Variants in NEK7 observed in about 807,000 individuals in gnomAD.
NEK7 encodes the protein NIMA related kinase 7, also known as serine/threonine-protein kinase Nek7.
NEK7 carries 18 observed loss-of-function variants against 44.6 expected under a neutral mutation model. The observed-to-expected ratio is 0.40, with a 90% CI of 0.28 to 0.60. NEK7 has a LOEUF of 0.60. Among genes scored for constraint, NEK7 ranks in the 20% least tolerant of loss-of-function variants. NEK7 has a pLI of 0.38. For synonymous variants in NEK7, 130 were observed against 121.1 expected, an observed-to-expected ratio of 1.07 and a Z score of -0.48; for missense variants, 256 against 366.5, an observed-to-expected ratio of 0.70 and a Z score of 2.46.
intron 1 of NEK7, among the ~76,000 whole-genome samples, chr1:198,222,426 A>G (rs1390089803): frequency 6.6e-6 from 1 of 152,208 alleles, no homozygotes; most frequent in Admixed American, 6.5e-5. Flanking sequence ...CTAATAATTT[A>G]CAGTTAGGTT....
chr1:198,251,054 C>T (rs1012888895), intron 2 of NEK7, among the ~76,000 whole-genome samples: 3 of 151,966 alleles, frequency 2.0e-5, no homozygotes, highest in Admixed American at 6.5e-5. Context: ...AGATATGTCC[C>T]ATCAATACCA....
chr1:198,320,685 G>A lies in NEK7; in HGVS notation c.*1163G>A, dbSNP rs1228152825. ...GTCTTGTTAAAGAGGAAGAAAGGAT[G>A]TGTGTTATACTGTACCTGTGAATGT... is the stretch of plus-strand genomic sequence containing the variant. On this transcript the variant is annotated 3_prime_UTR_variant, in exon 10 of 10. Coordinates refer to ENST00000367385, the MANE Select transcript of NEK7 (RefSeq NM_133494.3). The A allele has an allele frequency of 6.6e-6, 1 of 151,932 alleles. No homozygotes were observed. Among genetic ancestry groups the A allele is most frequent in the African/African-American group, 2.4e-5 (1 of 41,416 alleles). The allele number at this position is 151,932 out of a possible 1,614,324, so 9.4% of individuals were successfully genotyped here.
At chr1:198,196,849 A>G (rs1389869564) in intron 1 of NEK7, among the ~76,000 whole-genome samples, 1 of 152,166 alleles carries the variant, frequency 6.6e-6, no homozygotes, top group Non-Finnish European at 1.5e-5. Context: ...GCATGCAAGG[A>G]AGAGTTTGGG....
chr1:198,180,539 G>A (rs527771378), intron 1 of NEK7, among the ~76,000 whole-genome samples: 35 of 152,078 alleles, frequency 2.3e-4, no homozygotes, highest in African/African-American at 7.2e-4. Context: ...TAGAGACAGG[G>A]CTAGAATTCA....
intron 1 of NEK7, among the ~76,000 whole-genome samples, chr1:198,167,036 CCAGAAGT>C (rs1406420857): frequency 1.3e-5 from 2 of 152,172 alleles, no homozygotes; most frequent in Non-Finnish European, 2.9e-5. Context: ...ATTCTGCAGG[CCAGAAGT>C]CAGAAGTCAG....
chr1:198,221,956 T>C (rs890330135), intron 1 of NEK7, among the ~76,000 whole-genome samples: 4 of 151,656 alleles, frequency 2.6e-5, no homozygotes, highest in Non-Finnish European at 5.9e-5. Flanking sequence ...TATAGTGTCG[T>C]TGAGAACTGT....
intron 1 of NEK7, among the ~76,000 whole-genome samples, chr1:198,209,984 G>A (rs139323168): frequency 6.6e-6 from 1 of 152,152 alleles, no homozygotes; most frequent in African/African-American, 2.4e-5. Context: ...CTTTAGTAGA[G>A]ACGGGGTTTC....
chr1:198,199,055 T>G (rs1423428767), intron 1 of NEK7, among the ~76,000 whole-genome samples: 1 of 152,226 alleles, frequency 6.6e-6, no homozygotes, highest in Non-Finnish European at 1.5e-5. Flanking sequence ...CATGTTTGAG[T>G]CTGCTTTCTG....
chr1:198,228,746 T>C (rs1044962510), intron 1 of NEK7, among the ~76,000 whole-genome samples: 1 of 152,228 alleles, frequency 6.6e-6, no homozygotes, highest in African/African-American at 2.4e-5. Context: ...TGAAGTTGCC[T>C]ATCAGCTTAA....
At chr1:198,303,863 A>G (rs1654955942) in intron 9 of NEK7, among the ~76,000 whole-genome samples, 1 of 152,158 alleles carries the variant, frequency 6.6e-6, no homozygotes. Context: ...AGAGAGAGAT[A>G]TATAATAAAA....
At chr1:198,294,614 G>T (rs1317104305) in intron 8 of NEK7, among the ~76,000 whole-genome samples, 1 of 152,062 alleles carries the variant, frequency 6.6e-6, no homozygotes, top group Non-Finnish European at 1.5e-5. Context: ...TTTAGATTTA[G>T]CATACTCATG....
chr1:198,315,660 C>G (rs16842764), intron 9 of NEK7, among the ~76,000 whole-genome samples: 5,303 of 152,184 alleles, frequency 0.035, 180 homozygotes, highest in East Asian at 0.19. Flanking sequence ...TTTAAGGAGC[C>G]TGAGACCAAT....
At chr1:198,178,339 T>C (rs1057287296) in intron 1 of NEK7, among the ~76,000 whole-genome samples, 8 of 152,102 alleles carry the variant, frequency 5.3e-5, no homozygotes, top group Non-Finnish European at 7.4e-5. Context: ...TAACGTTTTT[T>C]ACTTTTAAAT....
At chr1:198,228,708 A>G (rs1473006602) in intron 1 of NEK7, among the ~76,000 whole-genome samples, 1 of 152,184 alleles carries the variant, frequency 6.6e-6, no homozygotes, top group Admixed American at 6.6e-5. Context: ...TGATTTTTGC[A>G]CATTGATTTT....
chr1:198,265,864 A>G (rs1171066764), intron 5 of NEK7, among the ~76,000 whole-genome samples: 1 of 152,136 alleles, frequency 6.6e-6, no homozygotes, highest in East Asian at 1.9e-4. Flanking sequence ...GTGTACATAC[A>G]TTAGTACATA....
chr1:198,253,514 G>C (rs949511165), intron 3 of NEK7, among the ~76,000 whole-genome samples: 2 of 152,060 alleles, frequency 1.3e-5, no homozygotes, highest in African/African-American at 4.8e-5. Flanking sequence ...TACAGCTATA[G>C]GCACTGTAGT....
At chr1:198,159,271 C>A (rs935845987) in intron 1 of NEK7, among the ~76,000 whole-genome samples, 2 of 151,890 alleles carry the variant, frequency 1.3e-5, no homozygotes, top group Non-Finnish European at 2.9e-5. Context: ...GGAAGGGGCG[C>A]CAGGCTGAGG....
intron 2 of NEK7, among the ~76,000 whole-genome samples, chr1:198,235,135 A>C (rs1301160185): frequency 2.0e-5 from 3 of 152,160 alleles, no homozygotes; most frequent in Non-Finnish European, 2.9e-5. Flanking sequence ...AAAACTAAGG[A>C]TGTCAAGTTT....
intron 2 of NEK7, among the ~76,000 whole-genome samples, chr1:198,238,972 T>G (rs985678755): frequency 6.6e-6 from 1 of 152,202 alleles, no homozygotes; most frequent in African/African-American, 2.4e-5. Flanking sequence ...CTTATACTCA[T>G]GTTTAGGCAT....
Sources: gnomAD v4.1 joint callset for allele counts (sites outside exome capture counted in the v4.1 genomes callset) on GRCh38, gnomAD v4.1.1 for gene constraint, MANE v1.5 for transcripts, NCBI Gene and HGNC (gene_info 2026-07-23, HGNC 2026-07-21) for gene names.